The following SLC24A1 variants were observed in gnomAD, a reference collection of about 807,000 sequenced individuals.
SLC24A1 encodes solute carrier family 24 member 1.
A neutral mutation model predicts 88.1 loss-of-function variants in SLC24A1; 52 were observed. The ratio of observed to expected loss-of-function variants is 0.59; its 90% confidence interval spans 0.47 to 0.74. SLC24A1 has a LOEUF of 0.74. SLC24A1 is among the 30% of genes least tolerant of loss of function. The pLI, the probability that SLC24A1 is intolerant of heterozygous loss-of-function variation, is 0.00. For missense variants in SLC24A1, 1,173 were observed against 1,363.3 expected (o/e 0.86, Z 2.20); for synonymous variants, 455 against 498.0 (o/e 0.91, Z 1.15).
intron 4 of SLC24A1, among the ~76,000 whole-genome samples, chr15:65,642,388 A>G (rs765566886): frequency 4.6e-5 from 7 of 152,138 alleles, no homozygotes; most frequent in Non-Finnish European, 7.4e-5. Context: ...GATGTGTGTG[A>G]GACAGGGTGG....
chr15:65,633,265 G>A (rs2074793656), intron 2 of SLC24A1, among the ~76,000 whole-genome samples: 1 of 152,144 alleles, frequency 6.6e-6, no homozygotes, highest in East Asian at 1.9e-4. Flanking sequence ...GGTTTCAAAG[G>A]CTTAGTCTGA....
At chr15:65,615,077 G>A (rs2074093374) in intron 2 of SLC24A1, among the ~76,000 whole-genome samples, 1 of 152,060 alleles carries the variant, frequency 6.6e-6, no homozygotes, top group African/African-American at 2.4e-5. Context: ...ACCAGGTGTG[G>A]TGGTGTGCAC....
At chr15:65,613,504 G>GTGTGTGTGTGTGTGTGTGTGT in intron 2 of SLC24A1, among the ~76,000 whole-genome samples, 1 of 151,496 alleles carries the variant, frequency 6.6e-6, no homozygotes, top group Admixed American at 6.6e-5. Context: ...GTGTGTGTGT[G>GTGTGTGTGTGTGTGTGTGTGT]GTGACAGGGT....
At chr15:65,623,581 G>A (rs1016899561) in intron 1 of SLC24A1, among the ~76,000 whole-genome samples, 34 of 152,154 alleles carry the variant, frequency 2.2e-4, no homozygotes, top group African/African-American at 8.0e-4. Context: ...GATAAGGTGA[G>A]ACCTGTGGCC....
intron 2 of SLC24A1, among the ~76,000 whole-genome samples, chr15:65,614,208 C>T (rs1199232551): frequency 6.6e-6 from 1 of 152,156 alleles, no homozygotes; most frequent in African/African-American, 2.4e-5. Context: ...TTCATGTACA[C>T]CCCTACCGAC....
At chr15:65,631,912 A>G (rs1405207082) in intron 2 of SLC24A1, among the ~76,000 whole-genome samples, 3 of 152,036 alleles carry the variant, frequency 2.0e-5, no homozygotes, top group African/African-American at 7.3e-5. Context: ...GCTCACTGCA[A>G]CCTCCGCGTC....
intron 2 of SLC24A1, among the ~76,000 whole-genome samples, chr15:65,613,120 C>G (rs2074022416): frequency 6.6e-6 from 1 of 152,240 alleles, no homozygotes; most frequent in Non-Finnish European, 1.5e-5. Context: ...TTTCCCCACT[C>G]AAACGACCCT....
At chr15:65,615,886 AC>A (rs2074126064) in intron 2 of SLC24A1, among the ~76,000 whole-genome samples, 1 of 43,240 alleles carries the variant, frequency 2.3e-5, no homozygotes, top group Admixed American at 2.4e-4. Flanking sequence ...CCACCCCCCC[AC>A]CCCCCAACAG....
Position 65,654,506 on chromosome 15 carries a change from C to T in SLC24A1, c.*427C>T. 1 of 1,181,914 alleles carries T rather than the reference C, an allele frequency of 8.5e-7. No individual in the cohort carries two copies. Among genetic ancestry groups the T allele is most frequent in the Admixed American group, 3.9e-5 (1 of 25,376 alleles). 73.2% of individuals were successfully genotyped at this position (1,181,914 alleles called of 1,614,324 possible). On this transcript the variant is annotated 3_prime_UTR_variant, in exon 10 of 10. Coordinates refer to ENST00000261892, the MANE Select transcript of SLC24A1 (RefSeq NM_004727.3). ...TGGTCTACATCTCAGCCTTCCTGAC[C>T]TCTGCCCCAAACACACGCTGCAATT...
At chr15:65,617,765 A>G (rs537385571), upstream of SLC24A1, among the ~76,000 whole-genome samples, 67 of 152,314 alleles carry the variant, frequency 4.4e-4, 1 homozygote, top group African/African-American at 1.6e-3. Context: ...TTCCAACACT[A>G]TGTTGAATAG....
chr15:65,651,083 G>A (rs2141713603), intron 7 of SLC24A1, 141 bp downstream of exon 7: 2 of 731,832 alleles, frequency 2.7e-6, no homozygotes, highest in South Asian at 3.4e-5. Context: ...GATCTGGGAA[G>A]GGACTGAAGC....
In SLC24A1 at chr15:65,624,959, C is replaced by T; in HGVS notation, c.879C>T (p.Ala293=). Residue 293 remains alanine (A), a synonymous_variant, in exon 2 of 10, where the codon GCC becomes GCT. Transcript: ENST00000261892. ...GAAGAGTGGAAAGTAACAGCTCAGC[C>T]CATCCCTGGGGGTTAGTGGGAAAGA... The part of the protein sequence containing the change: ...PPRRVESNSS[A]HPWGLVGKSN... 2 of 1,610,218 alleles carry T rather than the reference C, an allele frequency of 1.2e-6. No homozygotes were observed. Among genetic ancestry groups the T allele is most frequent in the African/African-American group, 1.3e-5 (1 of 74,696 alleles).
chr15:65,639,667 C>T lies in SLC24A1; in HGVS notation c.2017C>T (p.Gln673Ter). The change falls in exon 4 of 10, where the codon CAG (glutamine) becomes TAG (stop). Residue 673 changes from glutamine to a stop codon, truncating the protein, a stop_gained. Coordinates refer to ENST00000261892, the MANE Select transcript of SLC24A1 (RefSeq NM_004727.3). LOFTEE classifies it high-confidence loss of function. ...CAGCACCATCCGCAGCACCATCTAC[C>T]AGCTCATGCTCCACAGCCTGGACCC... is the stretch of plus-strand genomic sequence containing the variant. ...HNSTIRSTIY[Q>*]LMLHSLDPLR... 1 of 1,613,084 alleles carries T rather than the reference C, an allele frequency of 6.2e-7. No individual in the cohort carries two copies. The highest frequency in any genetic ancestry group is 8.5e-7 in the Non-Finnish European group (1 of 1,179,526).
At position 65,655,348 on chromosome 15, in the gene SLC24A1, A is replaced by C; in HGVS notation, c.*1269A>C. On this transcript the variant is annotated 3_prime_UTR_variant, in exon 10 of 10. Transcript: ENST00000261892. ...GATTTCTTCTGTGGTTTATGAATGG[A>C]TCTTAAGGTAATTACAAAAGGGAAA... 1 of 985,172 alleles carries C rather than the reference A, an allele frequency of 1.0e-6. No homozygotes were observed. 61.0% of individuals were successfully genotyped at this position (985,172 alleles called of 1,614,324 possible).
At position 65,653,509 on chromosome 15, in the gene SLC24A1, T is replaced by TA. The variant is rs200020012; in HGVS notation, c.3051-306dup. Among the ~76,000 whole-genome samples, 776 of 137,168 alleles carry TA rather than the reference T, an allele frequency of 5.7e-3. 4 individuals carry two copies. The highest frequency in any genetic ancestry group is 0.014 in the African/African-American group (536 of 37,526). The allele number at this position is 137,168 out of a possible 152,430, so 90.0% of individuals were successfully genotyped here. A position where few individuals can be genotyped will look rare whatever the true frequency, so the allele number is the denominator to read the frequency against. ...GAAGTGTGCCTGTAATTCCAGCATT[T>TA]AAAAAAAAAAAAAAAGGCACACATC... On this transcript the variant is annotated intron_variant, in intron 9 of 9. Coordinates refer to ENST00000261892, the MANE Select transcript of SLC24A1 (RefSeq NM_004727.3).
intron 2 of SLC24A1, among the ~76,000 whole-genome samples, chr15:65,637,392 T>C (rs1469405746): frequency 6.6e-6 from 1 of 152,108 alleles, no homozygotes; most frequent in African/African-American, 2.4e-5. Context: ...AAGGGGCATT[T>C]GGGAAAGCTT....
rs373775592 is a variant in SLC24A1, at chr15:65,634,399, G to T, written c.1891-3729G>T. Among the ~76,000 whole-genome samples, 9 of 152,186 alleles carry T rather than the reference G, an allele frequency of 5.9e-5. No individual in the cohort carries two copies. The East Asian group carries it at 9.6e-4, about 16-fold the overall frequency. Reference sequence around the variant, plus strand: ...GGATCCCATTGCTCATCCTCAGCAAGAGGCATGAAGACATCCTCTTCTGTT... The same window carrying T: ...GGATCCCATTGCTCATCCTCAGCAATAGGCATGAAGACATCCTCTTCTGTT... On this transcript the variant is annotated intron_variant, in intron 2 of 9. Coordinates refer to ENST00000261892, the MANE Select transcript of SLC24A1 (RefSeq NM_004727.3).
chr15:65,637,634 A>G (rs766365420), intron 2 of SLC24A1, among the ~76,000 whole-genome samples: 2 of 152,248 alleles, frequency 1.3e-5, no homozygotes, highest in African/African-American at 2.4e-5. Context: ...ACAGTGGTGA[A>G]TAAAACAGTC....
At chr15:65,656,861 GTTTT>G (rs1015597350), downstream of SLC24A1, among the ~76,000 whole-genome samples, 10 of 152,078 alleles carry the variant, frequency 6.6e-5, no homozygotes, top group African/African-American at 2.4e-4. Context: ...GTGTTTAAAT[GTTTT>G]TTTGTTTTGT....
Sources: gnomAD v4.1 joint callset for allele counts (sites outside exome capture counted in the v4.1 genomes callset) on GRCh38, gnomAD v4.1.1 for gene constraint, MANE v1.5 for transcripts, NCBI Gene and HGNC (gene_info 2026-07-23, HGNC 2026-07-21) for gene names.